Variants in CEP68 observed in about 807,000 individuals in gnomAD.
CEP68 encodes the protein centrosomal protein of 68 kDa.
In CEP68, 26 loss-of-function variants were observed where a neutral mutation model predicts 55.3. That is an observed-to-expected ratio of 0.47 (90% CI 0.34 to 0.65). The LOEUF (loss-of-function observed/expected upper bound fraction) is 0.65. Among genes scored for constraint, CEP68 ranks in the 30% least tolerant of loss-of-function variants. The pLI is 0.01. For synonymous variants in CEP68, 402 were observed against 383.2 expected (o/e 1.05, Z -0.57); for missense variants, 957 against 946.7 (o/e 1.01, Z -0.14).
Position 65,083,950 on chromosome 2 carries a change from A to G in CEP68, c.*316A>G, listed in dbSNP as rs974840856. The G allele has an allele frequency of 6.6e-6, 1 of 152,260 alleles. No homozygotes were observed. Among genetic ancestry groups the G allele is most frequent in the Non-Finnish European group, 1.5e-5 (1 of 68,052 alleles). The allele number at this position is 152,260 out of a possible 1,614,324, so 9.4% of individuals were successfully genotyped here. A position where few individuals can be genotyped will look rare whatever the true frequency, so the allele number is the denominator to read the frequency against. On this transcript the variant is annotated 3_prime_UTR_variant, in exon 7 of 7. Transcript: ENST00000377990. ...CATTAAAAAAGAGCAGATAAAGCTC[A>G]AACTATTCCACCTGGTAGGGTCATT...
chr2:65,072,290 A>G lies in CEP68; in HGVS notation c.1194A>G (p.Ala398=). The change falls in exon 3 of 7, where the codon GCA becomes GCG. Residue 398 remains alanine (A), a synonymous_variant. Transcript: ENST00000377990. ...GCTTGGCATCTTGGAGCCAACTTGC[A>G]TCTACCCCCAGAGCCCCAGGCAGTA... ...GMGLASWSQL[A]STPRAPGSRD... is the part of the protein sequence containing the mutation. 1 of 1,613,998 alleles carries G rather than the reference A, an allele frequency of 6.2e-7. No homozygotes were observed. Among genetic ancestry groups the G allele is most frequent in the Middle Eastern group, 1.6e-4 (1 of 6,062 alleles).
intron 4 of CEP68, chr2:65,074,785 G>T: frequency 3.9e-6 from 1 of 254,782 alleles, no homozygotes; most frequent in Non-Finnish European, 7.7e-6. Flanking sequence ...TCAAAAAAAA[G>T]TTTTTTCTTA....
In CEP68 at chr2:65,071,461, A is replaced by C. The variant is rs373247485; in HGVS notation, c.365A>C (p.Lys122Thr). Residue 122 changes from lysine (K) to threonine (T), a missense_variant, in exon 3 of 7, where the codon AAG becomes ACG. Lys to Thr is a moderately conservative substitution (Grantham distance 78, BLOSUM62 -1). Coordinates refer to ENST00000377990, the MANE Select transcript of CEP68 (RefSeq NM_015147.3). ...TCCCTTTGATCATTGCAGGTGGAGA[A>C]GACCAAGCTTTCTTCCTCCGAGGAG... ...LLLSGESQVE[K>T]TKLSSSEEFP... 1.8e-5 allele frequency: 29 copies of C among 1,612,736 alleles called. No individual in the cohort carries two copies. The African/African-American group carries it at 3.1e-4, about 17-fold the overall frequency.
chr2:65,074,074 C>G, intron 3 of CEP68: 1 of 539,654 alleles, frequency 1.9e-6, no homozygotes, highest in South Asian at 2.1e-5. Context: ...CTCAGCCTGT[C>G]ATTTTTGATG....
chr2:65,057,604 G>T (rs531026433), intron 1 of CEP68, among the ~76,000 whole-genome samples: 1 of 152,258 alleles, frequency 6.6e-6, no homozygotes, highest in East Asian at 1.9e-4. Context: ...CTGTATTGTG[G>T]TTTCCCCAGC....
At chr2:65,071,095 A>C (rs1455906236) in intron 2 of CEP68, 1 of 269,242 alleles carries the variant, frequency 3.7e-6, no homozygotes, top group Non-Finnish European at 7.1e-6. Flanking sequence ...TTAGCGACAG[A>C]GTGATTGAGG....
rs112997056 is a variant in CEP68 at position 65,076,177 on chromosome 2, A to T, written c.2008-1691A>T. On this transcript the variant is annotated intron_variant, in intron 4 of 6. Transcript: ENST00000377990. The stretch of plus-strand genomic sequence containing the variant: ...GGCTGACTCCAAGGGTCCTGTATGC[A>T]GACTCCACGTGCATGCACGCAGCTG... 4.3e-3 allele frequency among the ~76,000 whole-genome samples: 650 copies of T among 152,268 alleles called. 5 individuals carry two copies. The highest frequency in any genetic ancestry group is 0.015 in the African/African-American group (626 of 41,584).
chr2:65,066,545 T>A (rs945974546), intron 1 of CEP68, among the ~76,000 whole-genome samples: 12 of 150,754 alleles, frequency 8.0e-5, no homozygotes, highest in Non-Finnish European at 1.5e-4. Context: ...CTGGCCAGGA[T>A]GGTGAAACCC....
In CEP68 at chr2:65,069,515, G is replaced by T. The variant is rs750805115; in HGVS notation, c.71G>T (p.Gly24Val). The change falls in exon 2 of 7, where the codon GGG (glycine) becomes GTG (valine). Residue 24 changes from glycine (G) to valine (V), a missense_variant. Coordinates refer to ENST00000377990, the MANE Select transcript of CEP68 (RefSeq NM_015147.3). ...EDTKAQSYGR[G>V]SCRERELDIP... ...ACAAAGGCCCAGTCCTATGGGAGAG[G>T]GAGCTGCAGGGAGCGGGAGCTGGAC... 1.8e-5 allele frequency: 29 copies of T among 1,577,444 alleles called. No individual in the cohort carries two copies. Among genetic ancestry groups the T allele is most frequent in the Non-Finnish European group, 2.5e-5 (29 of 1,160,228 alleles).
chr2:65,067,871 C>T lies in CEP68; in HGVS notation c.-46-1528C>T, dbSNP rs180877812. Among the ~76,000 whole-genome samples, 548 of 152,326 alleles carry T rather than the reference C, an allele frequency of 3.6e-3. 2 individuals carry two copies. Among genetic ancestry groups the T allele is most frequent in the Admixed American group, 7.4e-3 (113 of 15,300 alleles). On this transcript the variant is annotated intron_variant, in intron 1 of 6. Coordinates refer to ENST00000377990, the MANE Select transcript of CEP68 (RefSeq NM_015147.3). ...CTCTTCTCCAGGGTCACTTCTGAAT[C>T]AGGCTGGAGCCTGGCATGCCCCATC...
At chr2:65,059,347 G>A (rs1249255239) in intron 1 of CEP68, among the ~76,000 whole-genome samples, 2 of 152,092 alleles carry the variant, frequency 1.3e-5, no homozygotes, top group Non-Finnish European at 2.9e-5. Context: ...AAGCTCCCTT[G>A]GCATATTGGT....
chr2:65,071,607 C>T lies in CEP68; in HGVS notation c.511C>T (p.His171Tyr). 6.2e-7 allele frequency: 1 copy of T among 1,614,198 alleles called. No individual in the cohort carries two copies. Among genetic ancestry groups the T allele is most frequent in the Non-Finnish European group, 8.5e-7 (1 of 1,180,034 alleles). Reference protein sequence around the residue: ...PQALDLSQQPHSSGLSCLSQW... With the variant: ...PQALDLSQQPYSSGLSCLSQW... Reference sequence around the variant, plus strand: ...GGCACTGGACCTCAGCCAGCAGCCTCACAGCTCAGGTCTCTCTTGCCTGTC... The same window carrying T: ...GGCACTGGACCTCAGCCAGCAGCCTTACAGCTCAGGTCTCTCTTGCCTGTC... The change falls in exon 3 of 7, where the codon CAC (histidine) becomes TAC (tyrosine). Residue 171 changes from histidine (H) to tyrosine (Y), a missense_variant. Coordinates refer to ENST00000377990, the MANE Select transcript of CEP68 (RefSeq NM_015147.3).
At chr2:65,074,486 A>G in intron 4 of CEP68, 82 bp downstream of exon 4, 4 of 1,592,190 alleles carry the variant, frequency 2.5e-6, no homozygotes, top group Non-Finnish European at 3.4e-6. Context: ...ATCTCAAATA[A>G]CCAATGTCTG....
chr2:65,073,537 AG>A (rs1324709350), intron 3 of CEP68: 1 of 173,344 alleles, frequency 5.8e-6, no homozygotes, highest in Non-Finnish European at 1.2e-5. Context: ...TGCGTGGAAT[AG>A]GGTTATCGGT....
chr2:65,078,972 G>A (rs555878755), intron 5 of CEP68, among the ~76,000 whole-genome samples: 1 of 152,362 alleles, frequency 6.6e-6, no homozygotes, highest in East Asian at 1.9e-4. Flanking sequence ...ACGAGGGCAT[G>A]GGGGATGAGG....
chr2:65,069,786 C>G lies in CEP68; in HGVS notation c.342C>G (p.Leu114=). 2 of 1,613,882 alleles carry G rather than the reference C, an allele frequency of 1.2e-6. No individual in the cohort carries two copies. Among genetic ancestry groups the G allele is most frequent in the South Asian group, 2.2e-5 (2 of 91,086 alleles). Residue 114 remains leucine, a synonymous_variant, in exon 2 of 7, where the codon CTC becomes CTG. Coordinates refer to ENST00000377990, the MANE Select transcript of CEP68 (RefSeq NM_015147.3). ...CCATGGGGTCTGGAGACCTTCTGCTCTCCGGGGAAAGCCAGGTAGGTACTA... is the reference window on the plus strand; with the variant it reads ...CCATGGGGTCTGGAGACCTTCTGCTGTCCGGGGAAAGCCAGGTAGGTACTA... ...PATMGSGDLL[L]SGESQVEKTK...
In CEP68 at chr2:65,072,427, G is replaced by A. The variant is rs149395099; in HGVS notation, c.1331G>A (p.Gly444Glu). ...GSPQLRTRDR[G>E]WPSPRPEREK... ...CCCCAGCTAAGGACACGGGACAGAG[G>A]GTGGCCCTCGCCCAGGCCAGAGAGG... The change falls in exon 3 of 7, where the codon GGG becomes GAG. Residue 444 changes from glycine to glutamate, a missense_variant. Coordinates refer to ENST00000377990, the MANE Select transcript of CEP68 (RefSeq NM_015147.3). 80 of 1,614,008 alleles carry A rather than the reference G, an allele frequency of 5.0e-5. No homozygotes were observed. The African/African-American group carries it at 9.2e-4, about 19-fold the overall frequency.
In CEP68 at chr2:65,084,951, C is replaced by G. The variant is rs201033190; in HGVS notation, c.*1317C>G. 3.9e-5 allele frequency: 6 copies of G among 152,148 alleles called. No homozygotes were observed. The highest frequency in any genetic ancestry group is 1.9e-4 in the East Asian group (1 of 5,196). 9.4% of individuals were successfully genotyped at this position (152,148 alleles called of 1,614,324 possible). ...ACACTGAGACTTTAAAAGGGAAAAA[C>G]CACTCTAGCAAATAATTGTCAATTA... On this transcript the variant is annotated 3_prime_UTR_variant, in exon 7 of 7. Transcript: ENST00000377990.
chr2:65,086,143 A>C lies in CEP68; in HGVS notation c.*2509A>C, dbSNP rs1669022361. The C allele has an allele frequency of 6.6e-6, 1 of 152,216 alleles. No individual in the cohort carries two copies. Among genetic ancestry groups the C allele is most frequent in the South Asian group, 2.1e-4 (1 of 4,836 alleles). The allele number at this position is 152,216 out of a possible 1,614,324, so 9.4% of individuals were successfully genotyped here. ...GAAGGTTTGAGGTAAGATATGCTGG[A>C]AAGGCAAGATGTAGGCTAAGGGAAA... On this transcript the variant is annotated 3_prime_UTR_variant, in exon 7 of 7. Coordinates refer to ENST00000377990, the MANE Select transcript of CEP68 (RefSeq NM_015147.3).
Sources: gnomAD v4.1 joint callset for allele counts (sites outside exome capture counted in the v4.1 genomes callset) on GRCh38, gnomAD v4.1.1 for gene constraint, MANE v1.5 for transcripts, NCBI Gene and HGNC (gene_info 2026-07-23, HGNC 2026-07-21) for gene names.